Variants in ZNF682 observed in about 807,000 individuals in gnomAD.
ZNF682 encodes the protein zinc finger protein 682.
In ZNF682, 29 loss-of-function variants were observed where a neutral mutation model predicts 36.5. That is an observed-to-expected ratio of 0.80 (90% CI 0.59 to 1.08). The LOEUF (loss-of-function observed/expected upper bound fraction) is 1.08. Ranked by LOEUF, ZNF682 falls within the 50% of genes least tolerant of loss-of-function variation. ZNF682 has a pLI of 0.00. For synonymous variants in ZNF682, 180 were observed against 197.0 expected (o/e 0.91, Z 0.72); for missense variants, 561 against 579.7 (o/e 0.97, Z 0.33).
chr19:20,017,547 C>T (rs1224022557), intron 3 of ZNF682, among the ~76,000 whole-genome samples: 2 of 152,052 alleles, frequency 1.3e-5, no homozygotes, highest in Non-Finnish European at 2.9e-5. Flanking sequence ...ACACATAGCA[C>T]TCTCAAATAT....
chr19:20,038,167 T>C lies in ZNF682; in HGVS notation c.3+1176A>G, dbSNP rs149185035. Among the ~76,000 whole-genome samples the C allele has an allele frequency of 3.3e-5, 5 of 151,690 alleles. No individual in the cohort carries two copies. The East Asian group carries it at 9.7e-4, about 29-fold the overall frequency. Reference sequence around the variant, plus strand: ...AACATTCTGATAAGGTGTCTGTGCCTAGGAAAGATTAAAGGGAGATTGGCA... The same window carrying C: ...AACATTCTGATAAGGTGTCTGTGCCCAGGAAAGATTAAAGGGAGATTGGCA... On this transcript the variant is annotated intron_variant, in intron 1 of 3. Coordinates refer to ENST00000397165, the MANE Select transcript of ZNF682 (RefSeq NM_033196.3).
Position 20,006,532 on chromosome 19 carries a change from G to T in ZNF682, c.970C>A (p.His324Asn), listed in dbSNP as rs2088222435. ...KCKECGKAFNHCSLLTIHERT... is the reference protein window; with the variant it reads ...KCKECGKAFNNCSLLTIHERT... ...TCATGTATAGTAAGTAGTGAGCAGT[G>T]GTTAAAGGCTTTCCCACATTCTTTA... The change falls in exon 4 of 4, where the codon CAC (histidine) becomes AAC (asparagine). Residue 324 changes from histidine (H) to asparagine (N), a missense_variant. Physicochemically the swap from His to Asn is moderately conservative, Grantham distance 68 (BLOSUM62 1). Coordinates refer to ENST00000397165, the MANE Select transcript of ZNF682 (RefSeq NM_033196.3). The T allele has an allele frequency of 1.2e-6, 2 of 1,613,798 alleles. No homozygotes were observed. Among genetic ancestry groups the T allele is most frequent in the Non-Finnish European group, 1.7e-6 (2 of 1,179,928 alleles).
chr19:20,004,969 G>A lies in ZNF682; in HGVS notation c.*1036C>T, dbSNP rs1210155142. On this transcript the variant is annotated 3_prime_UTR_variant, in exon 4 of 4. Coordinates refer to ENST00000397165, the MANE Select transcript of ZNF682 (RefSeq NM_033196.3). Reference sequence around the variant, plus strand: ...CCTGATTTAGAATAACATTGAAAGTGTTAGCGTCTTAGTGGTTTCTACTGT... The same window carrying A: ...CCTGATTTAGAATAACATTGAAAGTATTAGCGTCTTAGTGGTTTCTACTGT... The A allele has an allele frequency of 6.6e-6, 1 of 152,176 alleles. No individual in the cohort carries two copies. Among genetic ancestry groups the A allele is most frequent in the Non-Finnish European group, 1.5e-5 (1 of 68,036 alleles). The allele number at this position is 152,176 out of a possible 1,614,324, so 9.4% of individuals were successfully genotyped here.
chr19:20,001,497 T>A (rs2088168234), downstream of ZNF682, among the ~76,000 whole-genome samples: 1 of 152,198 alleles, frequency 6.6e-6, no homozygotes, highest in African/African-American at 2.4e-5. Flanking sequence ...CGTGGTTCAG[T>A]CTTTCAGTGC....
intron 3 of ZNF682, among the ~76,000 whole-genome samples, chr19:19,999,007 T>C (rs1415343915): frequency 1.3e-5 from 2 of 152,146 alleles, no homozygotes; most frequent in Non-Finnish European, 2.9e-5. Context: ...CATTAAGTCC[T>C]GAAGGTGGGG....
At chr19:20,004,258 A>C (rs1251674236), downstream of ZNF682, among the ~76,000 whole-genome samples, 1 of 152,198 alleles carries the variant, frequency 6.6e-6, no homozygotes, top group Non-Finnish European at 1.5e-5. Context: ...TCTCCAACGT[A>C]TTTGAAGTTT....
intron 3 of ZNF682, among the ~76,000 whole-genome samples, chr19:20,013,579 C>CTT (rs539062111): frequency 6.8e-6 from 1 of 147,838 alleles, no homozygotes; most frequent in Non-Finnish European, 1.5e-5. Flanking sequence ...TCTTAGCAAA[C>CTT]TTTTTTTTTT....
intron 3 of ZNF682, among the ~76,000 whole-genome samples, chr19:20,013,274 T>A (rs1291726356): frequency 6.6e-6 from 1 of 151,932 alleles, no homozygotes; most frequent in Admixed American, 6.6e-5. Context: ...AAAAGATTAA[T>A]TTATATATGT....
At chr19:20,034,885 T>G (rs928020147) in intron 1 of ZNF682, among the ~76,000 whole-genome samples, 2 of 151,700 alleles carry the variant, frequency 1.3e-5, no homozygotes, top group African/African-American at 2.4e-5. Flanking sequence ...TAGCCTCAGG[T>G]CCAAAGTTCG....
intron 3 of ZNF682, chr19:19,997,276 T>G (rs1230419647): frequency 5.0e-6 from 2 of 398,468 alleles, no homozygotes; most frequent in East Asian, 7.1e-5. Flanking sequence ...GAAATGGAAA[T>G]GAGCTATGTC....
chr19:20,001,665 C>T (rs552479253), downstream of ZNF682, among the ~76,000 whole-genome samples: 7 of 152,328 alleles, frequency 4.6e-5, no homozygotes, highest in South Asian at 1.5e-3. Flanking sequence ...TCTTACAGTT[C>T]TGGAAATTAG....
At chr19:20,018,430 C>A (rs985363259) in intron 3 of ZNF682, among the ~76,000 whole-genome samples, 1 of 152,106 alleles carries the variant, frequency 6.6e-6, no homozygotes, top group African/African-American at 2.4e-5. Flanking sequence ...TAGCAAAACA[C>A]CCTTTAAAAA....
rs772958560 is a variant in ZNF682, at chr19:20,024,283, T to A, written c.97A>T (p.Met33Leu). Reference protein sequence around the residue: ...PAQQSLYRKVMLENYRNLVSL... With the variant: ...PAQQSLYRKVLLENYRNLVSL... Reference sequence around the variant, plus strand: ...ACCAGGTTTCTGTAGTTCTCTAGCATCACTTTCCTATACAAACTCTGCTGA... The same window carrying A: ...ACCAGGTTTCTGTAGTTCTCTAGCAACACTTTCCTATACAAACTCTGCTGA... Residue 33 changes from methionine to leucine, a missense_variant, in exon 2 of 4, where the codon ATG becomes TTG. Coordinates refer to ENST00000397165, the MANE Select transcript of ZNF682 (RefSeq NM_033196.3). The A allele has an allele frequency of 6.2e-7, 1 of 1,614,134 alleles. No individual in the cohort carries two copies. Among genetic ancestry groups the A allele is most frequent in the Non-Finnish European group, 8.5e-7 (1 of 1,179,984 alleles).
At chr19:20,037,726 TG>T (rs2088543889) in intron 1 of ZNF682, among the ~76,000 whole-genome samples, 1 of 152,178 alleles carries the variant, frequency 6.6e-6, no homozygotes, top group African/African-American at 2.4e-5. Flanking sequence ...GGGTGTTCCT[TG>T]TCCTTGGGGA....
chr19:20,003,105 G>A (rs933602164), downstream of ZNF682, among the ~76,000 whole-genome samples: 2 of 146,860 alleles, frequency 1.4e-5, no homozygotes, highest in Non-Finnish European at 3.0e-5. Context: ...GCAGGAGAAT[G>A]GCGTGCACCC....
In ZNF682 at chr19:20,004,740, TAC is replaced by T. The variant is rs2088196354; in HGVS notation, c.*1263_*1264del. ...AGCAGAAATTGACCACATGCTTTCATACAGACACTAGGAATAAAGACACAGCA... is the reference window on the plus strand; with the variant it reads ...AGCAGAAATTGACCACATGCTTTCATAGACACTAGGAATAAAGACACAGCA... On this transcript the variant is annotated 3_prime_UTR_variant, in exon 4 of 4. Coordinates refer to ENST00000397165, the MANE Select transcript of ZNF682 (RefSeq NM_033196.3). 2 of 152,226 alleles carry T rather than the reference TAC, an allele frequency of 1.3e-5. No individual in the cohort carries two copies. The highest frequency in any genetic ancestry group is 6.5e-5 in the Admixed American group (1 of 15,276). The allele number at this position is 152,226 out of a possible 1,614,324, so 9.4% of individuals were successfully genotyped here.
chr19:20,020,283 G>C (rs1312688012), intron 3 of ZNF682, among the ~76,000 whole-genome samples: 1 of 152,062 alleles, frequency 6.6e-6, no homozygotes, highest in African/African-American at 2.4e-5. Context: ...GGATCACGAG[G>C]TCAGGAGTTC....
intron 3 of ZNF682, among the ~76,000 whole-genome samples, chr19:20,020,811 G>T (rs2088376678): frequency 6.6e-6 from 1 of 152,156 alleles, no homozygotes; most frequent in Admixed American, 6.6e-5. Context: ...GCCAGACACA[G>T]AAAGAAAAAT....
At chr19:20,011,643 T>A (rs1424031881) in intron 3 of ZNF682, among the ~76,000 whole-genome samples, 1 of 152,152 alleles carries the variant, frequency 6.6e-6, no homozygotes, top group Non-Finnish European at 1.5e-5. Flanking sequence ...AGAGGAACCC[T>A]CAAAACTACA....
Sources: gnomAD v4.1 joint callset for allele counts (sites outside exome capture counted in the v4.1 genomes callset) on GRCh38, gnomAD v4.1.1 for gene constraint, MANE v1.5 for transcripts, NCBI Gene and HGNC (gene_info 2026-07-23, HGNC 2026-07-21) for gene names.